The following ZSCAN25 variants were observed in gnomAD, a reference collection of about 807,000 sequenced individuals.
The protein encoded by ZSCAN25 is zinc finger and SCAN domain-containing protein 25.
A neutral mutation model predicts 38.7 loss-of-function variants in ZSCAN25; 27 were observed. The observed-to-expected ratio is 0.70, with a 90% CI of 0.51 to 0.96. The LOEUF is 0.96. ZSCAN25 is among the 40% of genes least tolerant of loss of function. The probability of loss-of-function intolerance (pLI) is 0.00; values close to 1 mark genes in which losing one functional copy is unlikely to be tolerated. For synonymous variants in ZSCAN25, 273 were observed against 277.7 expected, an observed-to-expected ratio of 0.98 and a Z score of 0.17; for missense variants, 637 against 705.9, an observed-to-expected ratio of 0.90 and a Z score of 1.11.
At chr7:99,640,193 T>C in the ZSCAN25 span, among the ~76,000 whole-genome samples, 1 of 152,216 alleles carries the variant, frequency 6.6e-6, no homozygotes, top group African/African-American at 2.4e-5. Flanking sequence ...AGTTTTGCTC[T>C]TGTTGCCCAG....
the ZSCAN25 span, chr7:99,676,079 C>A: frequency 6.3e-7 from 1 of 1,580,854 alleles, no homozygotes; most frequent in African/African-American, 1.3e-5. Context: ...ATGTTTGCAA[C>A]CATAAGAAGC....
chr7:99,624,024 T>G (rs182438635), intron 6 of ZSCAN25, 33 bp from the exon 7 acceptor site: 1 of 1,613,964 alleles, frequency 6.2e-7, no homozygotes, highest in Non-Finnish European at 8.5e-7. Flanking sequence ...CTAGGATTCT[T>G]TCTTTATTCA....
chr7:99,708,496 C>G, the ZSCAN25 span, among the ~76,000 whole-genome samples: 1 of 152,146 alleles, frequency 6.6e-6, no homozygotes, highest in East Asian at 1.9e-4. Flanking sequence ...CCTCCTTCTT[C>G]TAATCTCCAT....
the ZSCAN25 span, chr7:99,658,987 T>C: frequency 1.3e-5 from 2 of 152,210 alleles, no homozygotes; most frequent in Non-Finnish European, 2.9e-5. Context: ...ATTTGTCTAA[T>C]CTTTTTTCAA....
chr7:99,668,678 G>A, the ZSCAN25 span, among the ~76,000 whole-genome samples: 1 of 152,200 alleles, frequency 6.6e-6, no homozygotes, highest in Admixed American at 6.5e-5. Flanking sequence ...AACAAAGAGC[G>A]AGAGGACGCT....
At chr7:99,691,304 G>T in the ZSCAN25 span, among the ~76,000 whole-genome samples, 18 of 151,874 alleles carry the variant, frequency 1.2e-4, no homozygotes, top group African/African-American at 2.9e-4. Flanking sequence ...GGGGTAGGGG[G>T]AGGGGGTAGG....
chr7:99,624,527 T>C, intron 7 of ZSCAN25: 3 of 269,440 alleles, frequency 1.1e-5, no homozygotes, highest in Admixed American at 4.3e-5. Context: ...CAGATATTTA[T>C]TGAGTGCTCC....
chr7:99,650,978 A>C, the ZSCAN25 span, among the ~76,000 whole-genome samples: 3 of 152,356 alleles, frequency 2.0e-5, no homozygotes, highest in East Asian at 5.8e-4. Context: ...GATTATATTA[A>C]GGAAAAAATG....
At chr7:99,653,478 T>TAAATAAAA in the ZSCAN25 span, among the ~76,000 whole-genome samples, 1 of 151,770 alleles carries the variant, frequency 6.6e-6, no homozygotes, top group Non-Finnish European at 1.5e-5. The surrounding 1 kb of genome is among the most constrained non-coding windows in gnomAD (Gnocchi z 4.2). Flanking sequence ...AATAAATAAA[T>TAAATAAAA]AAATAAATTT....
At chr7:99,634,207 G>A (rs945720570), downstream of ZSCAN25, among the ~76,000 whole-genome samples, 2 of 152,240 alleles carry the variant, frequency 1.3e-5, no homozygotes, top group African/African-American at 4.8e-5. Context: ...AACTGCCTAA[G>A]GTCTGTCCTG....
the ZSCAN25 span, chr7:99,658,977 A>G: frequency 6.6e-6 from 1 of 152,186 alleles, no homozygotes; most frequent in Non-Finnish European, 1.5e-5. Flanking sequence ...CTAGTTAGCC[A>G]TTTGTCTAAT....
the ZSCAN25 span, among the ~76,000 whole-genome samples, chr7:99,660,824 C>T: frequency 6.6e-6 from 1 of 152,110 alleles, no homozygotes; most frequent in African/African-American, 2.4e-5. Flanking sequence ...TTATACAGGG[C>T]CAGGATGACG....
chr7:99,621,312 A>G lies in ZSCAN25; in HGVS notation c.388-61A>G, dbSNP rs958510274. On this transcript the variant is annotated intron_variant, in intron 4 of 7. Coordinates refer to ENST00000394152, the MANE Select transcript of ZSCAN25 (RefSeq NM_145115.3). ...GGTTCTCTTTTTAGATTTTAGTTCAACTCCCTTCATAACAGCCTTGCCCAG... is the reference window on the plus strand; with the variant it reads ...GGTTCTCTTTTTAGATTTTAGTTCAGCTCCCTTCATAACAGCCTTGCCCAG... The G allele has an allele frequency of 3.9e-6, 5 of 1,291,820 alleles. No individual in the cohort carries two copies. In the African/African-American group the frequency reaches 6.1e-5, roughly 16 times the overall value. The allele number at this position is 1,291,820 out of a possible 1,614,324, so 80.0% of individuals were successfully genotyped here.
the ZSCAN25 span, among the ~76,000 whole-genome samples, chr7:99,691,332 T>C: frequency 2.6e-5 from 4 of 152,096 alleles, no homozygotes; most frequent in Non-Finnish European, 4.4e-5. Context: ...TTAGGAGATA[T>C]ACCTAATGCT....
chr7:99,668,836 A>T, the ZSCAN25 span, among the ~76,000 whole-genome samples: 4 of 152,210 alleles, frequency 2.6e-5, no homozygotes, highest in Non-Finnish European at 5.9e-5. Flanking sequence ...CCAGTGTGTT[A>T]TCTTCTAATC....
At chr7:99,685,628 A>G in the ZSCAN25 span, among the ~76,000 whole-genome samples, 19 of 152,214 alleles carry the variant, frequency 1.2e-4, no homozygotes, top group African/African-American at 3.9e-4. Context: ...TCCCCTCTTC[A>G]CAGCCTGCTT....
the ZSCAN25 span, chr7:99,663,552 C>G: frequency 2.0e-6 from 2 of 993,984 alleles, no homozygotes. Context: ...CAGGTAGCCT[C>G]ATAGGACCTT....
chr7:99,679,775 T>G, the ZSCAN25 span: 58 of 1,575,828 alleles, frequency 3.7e-5, no homozygotes, highest in African/African-American at 4.5e-4. Context: ...GGGGCCCGAT[T>G]AGCACCCCAA....
the ZSCAN25 span, among the ~76,000 whole-genome samples, chr7:99,661,705 T>C: frequency 6.6e-6 from 1 of 152,324 alleles, no homozygotes; most frequent in East Asian, 1.9e-4. Flanking sequence ...TCTACAGAGT[T>C]CTGATTTATC....
Sources: allele counts gnomAD v4.1 joint callset (sites outside exome capture counted in the v4.1 genomes callset), GRCh38; gene constraint gnomAD v4.1.1; non-coding constraint Gnocchi (gnomAD v3.1); transcripts MANE v1.5; gene names NCBI Gene and HGNC (gene_info 2026-07-23, HGNC 2026-07-21).